Variants in CDR2 observed in about 807,000 individuals in gnomAD.
CDR2 encodes cerebellar degeneration-related protein 2.
Under a neutral mutation model 48.4 loss-of-function variants are expected in CDR2, and 34 were observed. The observed-to-expected ratio is 0.70, with a 90% CI of 0.53 to 0.94. CDR2 has a LOEUF of 0.94. CDR2 is among the 40% of genes least tolerant of loss of function. The probability of loss-of-function intolerance (pLI) is 0.00; values close to 1 mark genes in which losing one functional copy is unlikely to be tolerated. For missense variants in CDR2, 498 were observed against 549.5 expected (o/e 0.91, Z 0.94); for synonymous variants, 240 against 219.7 (o/e 1.09, Z -0.82).
At chr16:22,362,129 C>T (rs567262110) in intron 2 of CDR2, among the ~76,000 whole-genome samples, 36 of 152,242 alleles carry the variant, frequency 2.4e-4, no homozygotes, top group Middle Eastern at 6.8e-3. Context: ...TCTCGATTTC[C>T]TGACCTCGTG....
chr16:22,366,920 T>C (rs1454901706), intron 1 of CDR2: 1 of 152,278 alleles, frequency 6.6e-6, no homozygotes, highest in East Asian at 1.9e-4. Flanking sequence ...TTCTGACATG[T>C]TTTGAAAGTA....
At chr16:22,369,416 G>A (rs1400429554) in intron 1 of CDR2, among the ~76,000 whole-genome samples, 1 of 152,080 alleles carries the variant, frequency 6.6e-6, no homozygotes, top group African/African-American at 2.4e-5. Context: ...GAGTAGCCAG[G>A]AACCTCTTCC....
intron 1 of CDR2, 49 bp downstream of exon 1, chr16:22,374,182 G>A: frequency 4.1e-6 from 5 of 1,218,384 alleles, no homozygotes; most frequent in Non-Finnish European, 5.9e-6. Flanking sequence ...CGCAGCGGGG[G>A]CCTCCCGGGC....
chr16:22,370,558 C>T (rs1316999550), intron 1 of CDR2, among the ~76,000 whole-genome samples: 1 of 152,142 alleles, frequency 6.6e-6, no homozygotes, highest in Non-Finnish European at 1.5e-5. Context: ...TCAAAGCAAG[C>T]ACCATCATTA....
At chr16:22,360,803 G>A (rs182892690) in intron 2 of CDR2, among the ~76,000 whole-genome samples, 1 of 131,940 alleles carries the variant, frequency 7.6e-6, no homozygotes, top group East Asian at 2.4e-4. Context: ...AGACTGGAGT[G>A]AAGTGGCAGG....
intron 2 of CDR2, among the ~76,000 whole-genome samples, chr16:22,362,101 C>T (rs1217673417): frequency 6.6e-6 from 1 of 152,018 alleles, no homozygotes; most frequent in African/African-American, 2.4e-5. Flanking sequence ...CGGGGTTTCA[C>T]CACGTTAGCC....
At chr16:22,371,815 CAG>C (rs924105399) in intron 1 of CDR2, among the ~76,000 whole-genome samples, 3 of 151,554 alleles carry the variant, frequency 2.0e-5, no homozygotes, top group Non-Finnish European at 4.4e-5. Context: ...TTGAAAAACA[CAG>C]AAATGCAACT....
intron 2 of CDR2, among the ~76,000 whole-genome samples, chr16:22,358,592 T>C (rs1490488955): frequency 6.6e-6 from 1 of 152,118 alleles, no homozygotes; most frequent in Non-Finnish European, 1.5e-5. Flanking sequence ...TAAAAATGCA[T>C]AGAAATGGAG....
intron 2 of CDR2, among the ~76,000 whole-genome samples, chr16:22,362,545 A>C (rs2049017113): frequency 6.6e-6 from 1 of 152,224 alleles, no homozygotes; most frequent in Non-Finnish European, 1.5e-5. Context: ...GGAAACATCA[A>C]TACAATTTAT....
At chr16:22,370,328 C>A (rs982512623) in intron 1 of CDR2, among the ~76,000 whole-genome samples, 1 of 152,102 alleles carries the variant, frequency 6.6e-6, no homozygotes, top group African/African-American at 2.4e-5. Context: ...GTTTTAATAA[C>A]CCTCCAAACA....
chr16:22,362,443 C>T (rs1172034222), intron 2 of CDR2, among the ~76,000 whole-genome samples: 1 of 152,168 alleles, frequency 6.6e-6, no homozygotes, highest in Admixed American at 6.5e-5. Flanking sequence ...GCATCATTCT[C>T]CCAACTTACA....
intron 2 of CDR2, among the ~76,000 whole-genome samples, chr16:22,354,131 T>G (rs901379302): frequency 6.6e-6 from 1 of 152,200 alleles, no homozygotes; most frequent in Non-Finnish European, 1.5e-5. Context: ...TCCCTTCCCC[T>G]CAAACGGCTG....
chr16:22,372,557 TTATAGGGAAG>T, intron 1 of CDR2, among the ~76,000 whole-genome samples: 1 of 152,194 alleles, frequency 6.6e-6, no homozygotes, highest in Non-Finnish European at 1.5e-5. Flanking sequence ...ACAAATTAAA[TTATAGGGAAG>T]TACTGCAGTG....
chr16:22,355,390 C>G (rs1339427957), intron 2 of CDR2, among the ~76,000 whole-genome samples: 1 of 152,220 alleles, frequency 6.6e-6, no homozygotes, highest in Non-Finnish European at 1.5e-5. Context: ...CCTAAGCCAG[C>G]AGTTCTTAGC....
rs140389924 is a variant in CDR2, at chr16:22,353,514, T to C, written c.193-3665A>G. The stretch of plus-strand genomic sequence containing the variant: ...TATGTCACCCCAAAGCATGCGTCTT[T>C]GGCATAAAAAGGTTCCTGCCTCCTC... On this transcript the variant is annotated intron_variant, in intron 2 of 4. Coordinates refer to ENST00000268383, the MANE Select transcript of CDR2 (RefSeq NM_001802.2). Among the ~76,000 whole-genome samples the C allele has an allele frequency of 6.2e-3, 937 of 152,298 alleles. 3 individuals carry two copies. Among genetic ancestry groups the C allele is most frequent in the Middle Eastern group, 0.031 (9 of 294 alleles).
chr16:22,353,152 C>T (rs1382788046), intron 2 of CDR2, among the ~76,000 whole-genome samples: 1 of 152,124 alleles, frequency 6.6e-6, no homozygotes, highest in African/African-American at 2.4e-5. Flanking sequence ...AATGCATAAG[C>T]CAGACATTAA....
At chr16:22,361,995 G>A (rs997400593) in intron 2 of CDR2, among the ~76,000 whole-genome samples, 8 of 150,068 alleles carry the variant, frequency 5.3e-5, no homozygotes, top group Admixed American at 2.0e-4. Flanking sequence ...TCCGCCTCCC[G>A]GGTTCACGCC....
chr16:22,363,336 C>T (rs2049023243), intron 2 of CDR2, among the ~76,000 whole-genome samples: 1 of 152,176 alleles, frequency 6.6e-6, no homozygotes, highest in Non-Finnish European at 1.5e-5. Context: ...ACTTCAATAT[C>T]ATTGCAAGCC....
At chr16:22,365,548 T>C (rs2049039454) in intron 1 of CDR2, among the ~76,000 whole-genome samples, 1 of 152,164 alleles carries the variant, frequency 6.6e-6, no homozygotes, top group South Asian at 2.1e-4. Flanking sequence ...TCACTCTACT[T>C]CTCTTCGTGT....
Sources: allele counts gnomAD v4.1 joint callset (sites outside exome capture counted in the v4.1 genomes callset), GRCh38; gene constraint gnomAD v4.1.1; transcripts MANE v1.5; gene names NCBI Gene and HGNC (gene_info 2026-07-23, HGNC 2026-07-21).